SYCP2L: variants seen among roughly 807,000 people sequenced by gnomAD.
SYCP2L encodes synaptonemal complex protein 2 like.
Under a neutral mutation model 125.8 loss-of-function variants are expected in SYCP2L, and 98 were observed. The observed-to-expected ratio is 0.78, with a 90% CI of 0.66 to 0.92. SYCP2L has a LOEUF of 0.92. Among genes scored for constraint, SYCP2L ranks in the 40% least tolerant of loss-of-function variants. SYCP2L has a pLI of 0.00. For synonymous variants in SYCP2L, 317 were observed against 325.4 expected, an observed-to-expected ratio of 0.97 and a Z score of 0.28; for missense variants, 842 against 936.4, an observed-to-expected ratio of 0.90 and a Z score of 1.32.
At chr6:10,907,884 A>G (rs1463762301) in intron 10 of SYCP2L, among the ~76,000 whole-genome samples, 200 bp downstream of exon 10, 1 of 68,410 alleles carries the variant, frequency 1.5e-5, no homozygotes, top group East Asian at 5.1e-4. Flanking sequence ...ATATAGGGAT[A>G]CAGATAGGTT....
At chr6:10,941,695 C>T (rs1205318757) in intron 21 of SYCP2L, among the ~76,000 whole-genome samples, 2 of 152,176 alleles carry the variant, frequency 1.3e-5, no homozygotes, top group African/African-American at 4.8e-5. Context: ...TTTTCTTTTA[C>T]ACTGTTGGTG....
intron 18 of SYCP2L, 136 bp downstream of exon 18, chr6:10,928,586 C>A: frequency 7.9e-7 from 1 of 1,264,948 alleles, no homozygotes; most frequent in South Asian, 2.2e-5. Flanking sequence ...TTTTTTAAGA[C>A]AAGGCCTTGT....
In SYCP2L at chr6:10,927,157, G is replaced by T. The variant is rs111426836; in HGVS notation, c.1313-83G>T. On this transcript the variant is annotated intron_variant, in intron 16 of 29. Coordinates refer to ENST00000283141, the MANE Select transcript of SYCP2L (RefSeq NM_001040274.3). ...CTTACCAAAGGATGGAGAGGTACCA[G>T]AGGGGACATCCCATGAAGACCACTG... The T allele has an allele frequency of 4.7e-3, 7,366 of 1,561,890 alleles. 32 individuals are homozygous for T. The highest frequency in any genetic ancestry group is 9.8e-3 in the African/African-American group (718 of 73,554).
intron 29 of SYCP2L, among the ~76,000 whole-genome samples, 176 bp from the exon 30 acceptor site, chr6:10,973,776 G>A (rs1781814796): frequency 6.6e-6 from 1 of 152,206 alleles, no homozygotes; most frequent in African/African-American, 2.4e-5. Context: ...TTTCTGCCGA[G>A]GACACTGACA....
chr6:10,941,318 A>G lies in SYCP2L; in HGVS notation c.1814-1141A>G, dbSNP rs190089289. 2.2e-4 allele frequency among the ~76,000 whole-genome samples: 34 copies of G among 152,326 alleles called. 1 individual carries two copies. The highest frequency in any genetic ancestry group is 7.2e-4 in the African/African-American group (30 of 41,586). On this transcript the variant is annotated intron_variant, in intron 21 of 29. Coordinates refer to ENST00000283141, the MANE Select transcript of SYCP2L (RefSeq NM_001040274.3). The stretch of plus-strand genomic sequence containing the variant: ...TTGACAAATGGGATCTAATTAAACT[A>G]AAGAGCTTCTGCACAGCAAAAGAAA...
intron 21 of SYCP2L, among the ~76,000 whole-genome samples, chr6:10,938,978 G>C (rs1484282847): frequency 6.6e-6 from 1 of 152,030 alleles, no homozygotes; most frequent in African/African-American, 2.4e-5. Flanking sequence ...ATATTAGCTA[G>C]GCATGGTGGC....
chr6:10,927,347 G>C lies in SYCP2L; in HGVS notation c.1420G>C (p.Glu474Gln), dbSNP rs1780915240. Reference sequence around the variant, plus strand: ...CCAATCTGAGCCACCTGTTATTGGGGAACCTGCCTCTGATAGTCACGTAGG... The same window carrying C: ...CCAATCTGAGCCACCTGTTATTGGGCAACCTGCCTCTGATAGTCACGTAGG... ...NDQSEPPVIG[E>Q]PASDSHLQPV... Residue 474 changes from glutamate (E) to glutamine (Q), a missense_variant, in exon 17 of 30, where the codon GAA (glutamate) becomes CAA (glutamine). Transcript: ENST00000283141. The C allele has an allele frequency of 6.2e-7, 1 of 1,613,668 alleles. No individual in the cohort carries two copies. The highest frequency in any genetic ancestry group is 8.5e-7 in the Non-Finnish European group (1 of 1,179,922).
At chr6:10,929,788 A>G (rs1423320278) in intron 18 of SYCP2L, among the ~76,000 whole-genome samples, 5 of 152,048 alleles carry the variant, frequency 3.3e-5, no homozygotes, top group Admixed American at 2.6e-4. Context: ...TACAAAAAAA[A>G]AAAATTAGCT....
At chr6:10,945,759 G>C (rs918994049) in intron 23 of SYCP2L, among the ~76,000 whole-genome samples, 2 of 113,232 alleles carry the variant, frequency 1.8e-5, no homozygotes, top group Non-Finnish European at 3.4e-5. Context: ...AACAGAGTGA[G>C]ACTCCATCTT....
rs372232332 is a variant in SYCP2L at position 10,935,527 on chromosome 6, T to C, written c.1813+340T>C. ...CTTTTTGATCCATATGGTTTCTTTT[T>C]CTTTTCTTTTTTTTTGACACGGAGT... On this transcript the variant is annotated intron_variant, in intron 21 of 29. Transcript: ENST00000283141. Among the ~76,000 whole-genome samples, 13 of 152,170 alleles carry C rather than the reference T, an allele frequency of 8.5e-5. No homozygotes were observed. The East Asian group carries it at 2.1e-3, about 25-fold the overall frequency.
intron 29 of SYCP2L, among the ~76,000 whole-genome samples, chr6:10,968,756 G>T (rs1057084318): frequency 6.6e-6 from 1 of 152,140 alleles, no homozygotes; most frequent in African/African-American, 2.4e-5. Flanking sequence ...ATCAGGTGAG[G>T]GTGTGGGGGA....
At chr6:10,920,169 G>T (rs958167570) in intron 14 of SYCP2L, among the ~76,000 whole-genome samples, 2 of 152,132 alleles carry the variant, frequency 1.3e-5, no homozygotes, top group African/African-American at 4.8e-5. Flanking sequence ...CTCAGGGGGT[G>T]CCTGGTTTGG....
At chr6:10,930,769 G>A (rs1016238230) in intron 19 of SYCP2L, among the ~76,000 whole-genome samples, 2 of 152,208 alleles carry the variant, frequency 1.3e-5, no homozygotes, top group Non-Finnish European at 2.9e-5. Context: ...AATCTGTCAT[G>A]AGCTGGAATC....
rs970415119 is a variant in SYCP2L at position 10,954,457 on chromosome 6, G to A, written c.1955-659G>A. ...AGAACCTTGAGGATGGAGGAGAAGC[G>A]GGCAGCAAAGAAAAGGAGGAGTTGA... On this transcript the variant is annotated intron_variant, in intron 23 of 29. Transcript: ENST00000283141. The surrounding 1 kb of genome is among the most constrained non-coding windows in gnomAD (Gnocchi z 4.8). Among the ~76,000 whole-genome samples the A allele has an allele frequency of 4.6e-5, 7 of 152,214 alleles. No homozygotes were observed. Among genetic ancestry groups the A allele is most frequent in the Non-Finnish European group, 7.4e-5 (5 of 68,008 alleles).
intron 14 of SYCP2L, among the ~76,000 whole-genome samples, chr6:10,923,013 G>A (rs1780826219): frequency 6.6e-6 from 1 of 152,004 alleles, no homozygotes; most frequent in South Asian, 2.1e-4. Context: ...CTTCTTTTGT[G>A]TACTGAGTCT....
intron 4 of SYCP2L, among the ~76,000 whole-genome samples, chr6:10,896,192 C>G (rs1024812736): frequency 2.0e-5 from 3 of 152,086 alleles, no homozygotes; most frequent in African/African-American, 7.2e-5. Flanking sequence ...AGTCCTGTAC[C>G]GTAAAATCCA....
chr6:10,898,528 T>A (rs1398445090), intron 5 of SYCP2L, among the ~76,000 whole-genome samples: 1 of 152,086 alleles, frequency 6.6e-6, no homozygotes, highest in Non-Finnish European at 1.5e-5. Context: ...AACAAAAGAC[T>A]CTCGTGTTTT....
chr6:10,902,173 G>A (rs187337779), intron 6 of SYCP2L, among the ~76,000 whole-genome samples: 1 of 152,312 alleles, frequency 6.6e-6, no homozygotes, highest in East Asian at 1.9e-4. Context: ...CAGAGGAGTG[G>A]GGAAGGATGG....
At chr6:10,922,802 A>G (rs993064753) in intron 14 of SYCP2L, 1 of 152,176 alleles carries the variant, frequency 6.6e-6, no homozygotes, top group African/African-American at 2.4e-5. Context: ...TGAGCCAGAT[A>G]CTTAATTTAA....
Sources: allele counts gnomAD v4.1 joint callset (sites outside exome capture counted in the v4.1 genomes callset), GRCh38; gene constraint gnomAD v4.1.1; non-coding constraint Gnocchi (gnomAD v3.1); transcripts MANE v1.5; gene names NCBI Gene and HGNC (gene_info 2026-07-23, HGNC 2026-07-21).